TOP2B: variants seen among roughly 807,000 people sequenced by gnomAD.
TOP2B encodes DNA topoisomerase II beta, also known as DNA topoisomerase 2-beta.
TOP2B carries 51 observed loss-of-function variants against 193.5 expected under a neutral mutation model. The ratio of observed to expected loss-of-function variants is 0.26; its 90% CI spans 0.21 to 0.33. TOP2B has a LOEUF of 0.33. TOP2B is among the 10% of genes least tolerant of loss of function. The pLI is 1.00. For missense variants in TOP2B, 1,378 were observed against 1,909.3 expected, an observed-to-expected ratio of 0.72 and a Z score of 5.19; for synonymous variants, 634 against 635.7, an observed-to-expected ratio of 1.00 and a Z score of 0.04.
intron 16 of TOP2B, 26 bp from the exon 17 acceptor site, chr3:25,626,890 G>A (rs142340141): frequency 2.2e-6 from 3 of 1,362,398 alleles, no homozygotes; most frequent in African/African-American, 1.4e-5. Flanking sequence ...TAACGATTTT[G>A]CACATTAAAA....
At chr3:25,624,162 T>G (rs990651257) in intron 20 of TOP2B, 135 bp downstream of exon 20, 10 of 1,083,134 alleles carry the variant, frequency 9.2e-6, no homozygotes, top group Non-Finnish European at 1.2e-5. Context: ...TGTGGTCAAA[T>G]AATTTGGAAC....
intron 1 of TOP2B, among the ~76,000 whole-genome samples, chr3:25,660,202 G>A (rs1249268017): frequency 6.6e-6 from 1 of 152,060 alleles, no homozygotes; most frequent in Non-Finnish European, 1.5e-5. Flanking sequence ...TTAAACTCTT[G>A]TCCTACTAAT....
chr3:25,599,430 G>T lies in TOP2B; in HGVS notation c.4710+5C>A. On this transcript the variant is annotated splice_donor_5th_base_variant and intron_variant, in intron 35 of 35. Coordinates refer to ENST00000264331, the MANE Select transcript of TOP2B (RefSeq NM_001330700.2). Reference sequence around the variant, plus strand: ...GCACTAATATGCAATGATGTTCCCGGTTACCTTGCTTGTTGTTTTGGATGT... The same window carrying T: ...GCACTAATATGCAATGATGTTCCCGTTTACCTTGCTTGTTGTTTTGGATGT... 1 of 1,612,442 alleles carries T rather than the reference G, an allele frequency of 6.2e-7. No individual in the cohort carries two copies. The highest frequency in any genetic ancestry group is 2.2e-5 in the East Asian group (1 of 44,842).
chr3:25,659,154 C>A (rs1323461215), intron 1 of TOP2B, among the ~76,000 whole-genome samples: 1 of 152,112 alleles, frequency 6.6e-6, no homozygotes, highest in Admixed American at 6.6e-5. Flanking sequence ...TCTCCTCTCT[C>A]TTTTCTCCCT....
intron 1 of TOP2B, among the ~76,000 whole-genome samples, chr3:25,659,022 A>AG (rs1703832366): frequency 6.6e-6 from 1 of 152,214 alleles, no homozygotes; most frequent in Non-Finnish European, 1.5e-5. Flanking sequence ...TAATCAACAC[A>AG]GAAAGCTCAC....
chr3:25,606,229 A>T (rs886359868), intron 31 of TOP2B, 107 bp from the exon 32 acceptor site: 50 of 545,396 alleles, frequency 9.2e-5, no homozygotes, highest in African/African-American at 6.6e-4. Context: ...CACAGAACAA[A>T]ACTTTAGTTT....
At chr3:25,621,424 C>T (rs887625845) in intron 21 of TOP2B, among the ~76,000 whole-genome samples, 3 of 152,102 alleles carry the variant, frequency 2.0e-5, no homozygotes, top group East Asian at 1.9e-4. Context: ...TGCCGTGGCA[C>T]GATATCAGCT....
intron 8 of TOP2B, among the ~76,000 whole-genome samples, chr3:25,633,013 A>T (rs975237379): frequency 6.6e-6 from 1 of 152,026 alleles, no homozygotes; most frequent in Non-Finnish European, 1.5e-5. Flanking sequence ...TTCAATTCTA[A>T]CACCAATTCT....
At chr3:25,631,841 T>C (rs148393567) in intron 10 of TOP2B, among the ~76,000 whole-genome samples, 51 of 152,040 alleles carry the variant, frequency 3.4e-4, no homozygotes, top group Non-Finnish European at 7.1e-4. Context: ...ACTTTTGTTT[T>C]TGTTTCTGAT....
Position 25,664,510 on chromosome 3 carries a change from G to T in TOP2B, c.-213C>A. The stretch of plus-strand genomic sequence containing the variant: ...CCGGCTGCCCTCAAACTCGAGGCGC[G>T]GCGTCCGCGTCGCCCGGGCCTAGCG... On this transcript the variant is annotated 5_prime_UTR_variant, in exon 1 of 36. Transcript: ENST00000264331. 1 of 1,172,744 alleles carries T rather than the reference G, an allele frequency of 8.5e-7. No homozygotes were observed. The highest frequency in any genetic ancestry group is 1.1e-6 in the Non-Finnish European group (1 of 951,112). The allele number at this position is 1,172,744 out of a possible 1,614,324, so 72.6% of individuals were successfully genotyped here. A position where few individuals can be genotyped will look rare whatever the true frequency, so the allele number is the denominator to read the frequency against.
At chr3:25,635,340 A>T (rs1703076142) in intron 7 of TOP2B, among the ~76,000 whole-genome samples, 1 of 152,174 alleles carries the variant, frequency 6.6e-6, no homozygotes, top group African/African-American at 2.4e-5. Context: ...ATGCCAAAAG[A>T]CAAGAAAAAA....
In TOP2B at chr3:25,620,796, A is replaced by G; in HGVS notation, c.2748T>C (p.Phe916=). The change falls in exon 22 of 36, where the codon TTT becomes TTC. Residue 916 remains phenylalanine (F), a synonymous_variant. Coordinates refer to ENST00000264331, the MANE Select transcript of TOP2B (RefSeq NM_001330700.2). ...GACCAAGTTCTTGAATCGTGCCTTT[A>G]AAGTTTTTGTAGTTTGGAAGCTGTA... The part of the protein sequence containing the change: ...PHPMLPNYKN[F]KGTIQELGQN... 2 of 1,613,478 alleles carry G rather than the reference A, an allele frequency of 1.2e-6. No individual in the cohort carries two copies. Among genetic ancestry groups the G allele is most frequent in the East Asian group, 4.5e-5 (2 of 44,850 alleles).
intron 27 of TOP2B, among the ~76,000 whole-genome samples, chr3:25,613,650 C>T (rs138698046): frequency 2.7e-4 from 41 of 152,052 alleles, no homozygotes; most frequent in African/African-American, 9.6e-4. Context: ...ACTGCTTGAG[C>T]CCAAGTGGTT....
Position 25,598,235 on chromosome 3 carries a change from A to AAAGTC in TOP2B, c.*67_*71dup. Reference sequence around the variant, plus strand: ...CACATTAAAATAAGCCAGATGTACAAAAGTCTGAGACAGAGAAGACAAAAG... The same window carrying AAAGTC: ...CACATTAAAATAAGCCAGATGTACAAAAGTCAAGTCTGAGACAGAGAAGACAAAAG... On this transcript the variant is annotated 3_prime_UTR_variant, in exon 36 of 36. Transcript: ENST00000264331. 1 of 1,462,732 alleles carries AAAGTC rather than the reference A, an allele frequency of 6.8e-7. No individual in the cohort carries two copies. The highest frequency in any genetic ancestry group is 1.4e-5 in the African/African-American group (1 of 70,726). The allele number at this position is 1,462,732 out of a possible 1,614,324, so 90.6% of individuals were successfully genotyped here. A position where few individuals can be genotyped will look rare whatever the true frequency, so the allele number is the denominator to read the frequency against.
Position 25,599,520 on chromosome 3 carries a change from C to T in TOP2B, c.4625G>A (p.Arg1542Gln), listed in dbSNP as rs749334778. 17 of 1,612,484 alleles carry T rather than the reference C, an allele frequency of 1.1e-5. No homozygotes were observed. The highest frequency in any genetic ancestry group is 1.7e-5 in the Admixed American group (1 of 59,822). Residue 1542 changes from arginine to glutamine, a missense_variant, in exon 35 of 36, where the codon CGA becomes CAA. Physicochemically the swap from Arg to Gln is conservative, Grantham distance 43. This residue lies in a region of TOP2B where 556 missense variants were observed against 584.2 expected (regional missense o/e 0.95). Transcript: ENST00000264331. ...AGATGCTTTCCTTTTCTTTGCCCCTCGGCCTTTACCTTAAAATGATACAAA... is the reference window on the plus strand; with the variant it reads ...AGATGCTTTCCTTTTCTTTGCCCCTTGGCCTTTACCTTAAAATGATACAAA... ...KKTTTPKGKG[R>Q]GAKKRKASGS... is the part of the protein sequence containing the mutation.
At position 25,630,076 on chromosome 3, in the gene TOP2B, A is replaced by G; in HGVS notation, c.1642T>C (p.Ser548Pro). ...QYKKSYDDAE[S>P]LKTLRYGKIM... ...TTTCCATAGCGTAAGGTTTTCAGAG[A>G]TTCTGCATCATCGTAACTTTTCTTA... Residue 548 changes from serine to proline, a missense_variant, in exon 13 of 36, where the codon TCT becomes CCT. Ser to Pro is a moderately conservative substitution (Grantham distance 74). Coordinates refer to ENST00000264331, the MANE Select transcript of TOP2B (RefSeq NM_001330700.2). 6.2e-7 allele frequency: 1 copy of G among 1,608,620 alleles called. No individual in the cohort carries two copies.
intron 1 of TOP2B, among the ~76,000 whole-genome samples, chr3:25,657,173 AACAGAAACCT>A (rs1339464184): frequency 1.3e-5 from 2 of 152,214 alleles, no homozygotes; most frequent in African/African-American, 2.4e-5. Flanking sequence ...ATGTTTTTGT[AACAGAAACCT>A]GAAATAATAG....
Position 25,655,208 on chromosome 3 carries a change from A to G in TOP2B, c.69+9021T>C, listed in dbSNP as rs368883156. On this transcript the variant is annotated intron_variant, in intron 1 of 35. Transcript: ENST00000264331. ...TCTATAACTCGACAATAACAAAATA[A>G]CCCCATTCAAATGGATAAAGGATTT... is the stretch of plus-strand genomic sequence containing the variant. 2.6e-5 allele frequency among the ~76,000 whole-genome samples: 4 copies of G among 152,160 alleles called. No individual in the cohort carries two copies. The East Asian group carries it at 7.7e-4, about 29-fold the overall frequency.
At chr3:25,624,581 T>A in intron 19 of TOP2B, 101 bp downstream of exon 19, 1 of 1,540,036 alleles carries the variant, frequency 6.5e-7, no homozygotes. Context: ...TTAATTCTTT[T>A]ACATTTCCAA....
Sources: gnomAD v4.1 joint callset for allele counts (sites outside exome capture counted in the v4.1 genomes callset) on GRCh38, gnomAD v4.1.1 for gene constraint, gnomAD v4.1.1 regional missense constraint, MANE v1.5 for transcripts, NCBI Gene and HGNC (gene_info 2026-07-23, HGNC 2026-07-21) for gene names.